PAK5: variants seen among roughly 807,000 people sequenced by gnomAD.
PAK5 encodes serine/threonine-protein kinase PAK 5.
PAK5 carries 16 observed loss-of-function variants against 65.9 expected under a neutral mutation model. That is an observed-to-expected ratio of 0.24 (90% CI 0.16 to 0.37). The LOEUF is 0.37. PAK5 is among the 10% of genes least tolerant of loss of function. The probability of loss-of-function intolerance (pLI) is 1.00; values close to 1 mark genes in which losing one functional copy is unlikely to be tolerated. For missense variants in PAK5, 785 were observed against 903.9 expected, an observed-to-expected ratio of 0.87 and a Z score of 1.69; for synonymous variants, 371 against 354.9, an observed-to-expected ratio of 1.05 and a Z score of -0.51.
intron 2 of PAK5, among the ~76,000 whole-genome samples, chr20:9,681,261 A>G (rs569621297): frequency 1.5e-4 from 23 of 151,582 alleles, no homozygotes; most frequent in Non-Finnish European, 3.4e-4. Flanking sequence ...TATTTCTCCA[A>G]CCTCTCTGTA....
chr20:9,723,756 G>A (rs545996007), intron 1 of PAK5, among the ~76,000 whole-genome samples: 10 of 152,116 alleles, frequency 6.6e-5, no homozygotes, highest in African/African-American at 2.4e-4. Context: ...ATTAGGGAAC[G>A]GTCACCTGAG....
intron 3 of PAK5, among the ~76,000 whole-genome samples, chr20:9,590,436 G>A (rs1387702620): frequency 6.6e-6 from 1 of 152,110 alleles, no homozygotes. Context: ...TATGGTGAGA[G>A]TATGGCTGGA....
chr20:9,743,233 G>T (rs1013876027), intron 1 of PAK5, among the ~76,000 whole-genome samples: 2 of 152,012 alleles, frequency 1.3e-5, no homozygotes, highest in Non-Finnish European at 2.9e-5. Flanking sequence ...AGCCAGGCAT[G>T]GTCTTGAACA....
At chr20:9,792,410 C>T (rs1337381662) in intron 1 of PAK5, among the ~76,000 whole-genome samples, 6 of 152,146 alleles carry the variant, frequency 3.9e-5, no homozygotes, top group African/African-American at 1.4e-4. Context: ...CATAATCGTT[C>T]TACAACAGAG....
At chr20:9,764,662 T>TCA (rs1243935562) in intron 1 of PAK5, among the ~76,000 whole-genome samples, 2 of 152,208 alleles carry the variant, frequency 1.3e-5, no homozygotes, top group African/African-American at 4.8e-5. Flanking sequence ...GCCAATTAAC[T>TCA]CATATATAGA....
chr20:9,548,894 G>A (rs551245213), intron 7 of PAK5, among the ~76,000 whole-genome samples: 21 of 152,284 alleles, frequency 1.4e-4, no homozygotes, highest in African/African-American at 5.1e-4. Context: ...ATTTGGACCA[G>A]TGGTGGTACG....
intron 1 of PAK5, among the ~76,000 whole-genome samples, chr20:9,725,208 G>A (rs1464809997): frequency 1.3e-5 from 2 of 152,104 alleles, no homozygotes; most frequent in Non-Finnish European, 1.5e-5. Context: ...CAACATGGGT[G>A]CAACTATGTG....
chr20:9,580,106 T>C, intron 4 of PAK5, 39 bp downstream of exon 4: 6 of 1,543,486 alleles, frequency 3.9e-6, no homozygotes, highest in Non-Finnish European at 5.3e-6. Flanking sequence ...CCTGTGGAGG[T>C]TTTTGCACAC....
At chr20:9,654,035 A>ATCTTGGTGATCTTCC (rs2047234941) in intron 2 of PAK5, among the ~76,000 whole-genome samples, 2 of 147,178 alleles carry the variant, frequency 1.4e-5, no homozygotes, top group Non-Finnish European at 3.0e-5. Flanking sequence ...GGTGATCTTC[A>ATCTTGGTGATCTTCC]TGATCTTGGC....
In PAK5 at chr20:9,755,036, C is replaced by T. The variant is rs143254426; in HGVS notation, c.-161-43601G>A. The stretch of plus-strand genomic sequence containing the variant: ...CAGCTGACCAAATGTGATGTGTTAA[C>T]GAAGATGTTTAAAAAGTAAATGTAA... On this transcript the variant is annotated intron_variant, in intron 1 of 9. Coordinates refer to ENST00000353224, the MANE Select transcript of PAK5 (RefSeq NM_177990.4). Among the ~76,000 whole-genome samples the T allele has an allele frequency of 5.5e-4, 84 of 152,216 alleles. 1 individual carries two copies. Among genetic ancestry groups the T allele is most frequent in the African/African-American group, 1.8e-3 (74 of 41,542 alleles).
At chr20:9,695,524 T>C (rs1438136451) in intron 2 of PAK5, among the ~76,000 whole-genome samples, 5 of 152,036 alleles carry the variant, frequency 3.3e-5, no homozygotes, top group Admixed American at 3.3e-4. Context: ...GAATGGATTC[T>C]AAAAAGGGAA....
At chr20:9,655,181 A>G (rs2047250733) in intron 2 of PAK5, among the ~76,000 whole-genome samples, 1 of 152,118 alleles carries the variant, frequency 6.6e-6, no homozygotes, top group Non-Finnish European at 1.5e-5. Context: ...TTTTTCTATG[A>G]CTTCTCATTG....
chr20:9,670,273 C>T (rs940613293), intron 2 of PAK5, among the ~76,000 whole-genome samples: 33 of 152,104 alleles, frequency 2.2e-4, no homozygotes, highest in Admixed American at 6.6e-4. Flanking sequence ...TTATAATCCT[C>T]TGGGTATATA....
At chr20:9,779,511 A>G (rs2048920031) in intron 1 of PAK5, among the ~76,000 whole-genome samples, 1 of 151,062 alleles carries the variant, frequency 6.6e-6, no homozygotes, top group African/African-American at 2.4e-5. Flanking sequence ...ACATCCTAGC[A>G]TCAGATTTGA....
intron 2 of PAK5, among the ~76,000 whole-genome samples, chr20:9,659,156 C>G (rs557142005): frequency 6.6e-6 from 1 of 152,230 alleles, no homozygotes; most frequent in South Asian, 2.1e-4. Context: ...TGTGTACACA[C>G]AGCTGGCAAT....
chr20:9,766,522 AATATATATAT>A (rs74209304), intron 1 of PAK5, among the ~76,000 whole-genome samples: 1 of 34,800 alleles, frequency 2.9e-5, no homozygotes, highest in East Asian at 1.4e-3. Flanking sequence ...ATTCAAGCAG[AATATATATAT>A]ATATATATAT....
intron 3 of PAK5, among the ~76,000 whole-genome samples, chr20:9,613,644 A>C (rs982092687): frequency 1.3e-5 from 2 of 152,250 alleles, no homozygotes; most frequent in African/African-American, 2.4e-5. Context: ...CCCTCAATAG[A>C]AATCACTTTA....
At chr20:9,791,483 G>A (rs2049049480) in intron 1 of PAK5, among the ~76,000 whole-genome samples, 3 of 152,098 alleles carry the variant, frequency 2.0e-5, no homozygotes, top group Admixed American at 2.0e-4. Flanking sequence ...ACCCGACAAT[G>A]TCTTTACTGC....
intron 3 of PAK5, among the ~76,000 whole-genome samples, chr20:9,589,774 G>A (rs1266269530): frequency 1.3e-5 from 2 of 151,956 alleles, no homozygotes; most frequent in Admixed American, 6.6e-5. Flanking sequence ...GGGTTCAAGC[G>A]ATTCTCATGC....
Sources: gnomAD v4.1 joint callset for allele counts (sites outside exome capture counted in the v4.1 genomes callset) on GRCh38, gnomAD v4.1.1 for gene constraint, MANE v1.5 for transcripts, NCBI Gene and HGNC (gene_info 2026-07-23, HGNC 2026-07-21) for gene names.